The following LYPLAL1 variants were observed in gnomAD, a reference collection of about 807,000 sequenced individuals.
LYPLAL1 encodes lysophospholipase-like protein 1.
LYPLAL1 carries 23 observed loss-of-function variants against 19.7 expected under a neutral mutation model. The observed-to-expected ratio is 1.17, with a 90% CI of 0.84 to 1.65. The LOEUF (loss-of-function observed/expected upper bound fraction) is 1.65. LYPLAL1 is among the 40% of genes most tolerant of loss of function. LYPLAL1 has a pLI of 0.00. For missense variants in LYPLAL1, 355 were observed against 279.4 expected, an observed-to-expected ratio of 1.27 and a Z score of -1.93; for synonymous variants, 119 against 96.3, an observed-to-expected ratio of 1.24 and a Z score of -1.38.
intron 2 of LYPLAL1, among the ~76,000 whole-genome samples, chr1:219,184,696 A>T (rs540016021): frequency 6.6e-6 from 1 of 151,942 alleles, no homozygotes; most frequent in Non-Finnish European, 1.5e-5. Context: ...TGAAATAGTC[A>T]TGGTTTTTAT....
At chr1:219,192,587 GC>G (rs537121201) in intron 2 of LYPLAL1, among the ~76,000 whole-genome samples, 155 of 151,592 alleles carry the variant, frequency 1.0e-3, no homozygotes, top group African/African-American at 3.6e-3. Context: ...ATCTAATATA[GC>G]CCCCATCCCT....
At chr1:219,264,589 G>A in the LYPLAL1 span, among the ~76,000 whole-genome samples, 1 of 152,132 alleles carries the variant, frequency 6.6e-6, no homozygotes, top group East Asian at 1.9e-4. Context: ...ATGTGAAGAC[G>A]AATGCTTGGT....
chr1:219,305,051 C>T, the LYPLAL1 span, among the ~76,000 whole-genome samples: 2 of 152,276 alleles, frequency 1.3e-5, no homozygotes, highest in Non-Finnish European at 2.9e-5. Flanking sequence ...CTCACTGGTT[C>T]GGCATATCCC....
At chr1:219,323,890 C>T in the LYPLAL1 span, among the ~76,000 whole-genome samples, 91 of 152,264 alleles carry the variant, frequency 6.0e-4, no homozygotes, top group African/African-American at 2.0e-3. Flanking sequence ...CCCATAACCA[C>T]CCATATAGTA....
At chr1:219,355,701 A>G in the LYPLAL1 span, among the ~76,000 whole-genome samples, 57 of 152,346 alleles carry the variant, frequency 3.7e-4, no homozygotes, top group African/African-American at 1.3e-3. Context: ...AAATTCACCA[A>G]GATAGACCAT....
chr1:219,336,348 T>G, the LYPLAL1 span, among the ~76,000 whole-genome samples: 1 of 151,838 alleles, frequency 6.6e-6, no homozygotes, highest in Non-Finnish European at 1.5e-5. Flanking sequence ...GGGAAATAAT[T>G]TAATCTCCCA....
the LYPLAL1 span, among the ~76,000 whole-genome samples, chr1:219,243,290 CA>C: frequency 9.9e-5 from 15 of 152,038 alleles, no homozygotes; most frequent in Admixed American, 7.9e-4. Context: ...TTCACAAGTC[CA>C]AAGACAAAGA....
At chr1:219,439,976 T>TATATATATAC in the LYPLAL1 span, among the ~76,000 whole-genome samples, 175 of 59,756 alleles carry the variant, frequency 2.9e-3, 2 homozygotes, top group African/African-American at 0.013. Context: ...TATATATACA[T>TATATATATAC]ATATATATAT....
chr1:219,402,521 A>G, the LYPLAL1 span, among the ~76,000 whole-genome samples: 1 of 152,122 alleles, frequency 6.6e-6, no homozygotes, highest in Non-Finnish European at 1.5e-5. Flanking sequence ...AATAAAGTCA[A>G]TCAGTTAATT....
intron 2 of LYPLAL1, among the ~76,000 whole-genome samples, chr1:219,181,474 TAGA>T (rs779547026): frequency 3.9e-5 from 6 of 152,216 alleles, no homozygotes; most frequent in Non-Finnish European, 7.4e-5. Context: ...TAGCAAAACA[TAGA>T]AGATTTCCAA....
the LYPLAL1 span, among the ~76,000 whole-genome samples, chr1:219,397,695 T>C: frequency 1.3e-5 from 2 of 152,220 alleles, no homozygotes; most frequent in African/African-American, 4.8e-5. Flanking sequence ...CTGGTAACAA[T>C]CTTTCCTTTC....
the LYPLAL1 span, among the ~76,000 whole-genome samples, chr1:219,346,717 A>C: frequency 1.3e-5 from 2 of 152,166 alleles, no homozygotes; most frequent in Non-Finnish European, 2.9e-5. Context: ...TCATATTTAC[A>C]CATATAGGCT....
the LYPLAL1 span, among the ~76,000 whole-genome samples, chr1:219,332,339 A>T: frequency 2.0e-5 from 3 of 152,116 alleles, no homozygotes; most frequent in African/African-American, 4.8e-5. Flanking sequence ...GTTTGTTCAA[A>T]CCATCCCAGG....
chr1:219,174,233 C>T, intron 1 of LYPLAL1: 3 of 1,383,138 alleles, frequency 2.2e-6, no homozygotes, highest in Non-Finnish European at 2.8e-6. Flanking sequence ...TCCCGCCGCT[C>T]AGCCAGCCCT....
At chr1:219,409,762 G>A in the LYPLAL1 span, 2 of 152,228 alleles carry the variant, frequency 1.3e-5, no homozygotes, top group Non-Finnish European at 2.9e-5. Flanking sequence ...AGAGGATTGT[G>A]GGGGCTGAAC....
the LYPLAL1 span, among the ~76,000 whole-genome samples, chr1:219,337,239 A>G: frequency 6.6e-6 from 1 of 152,024 alleles, no homozygotes; most frequent in Non-Finnish European, 1.5e-5. Context: ...CCTTTTACAT[A>G]CAAGATAACT....
At chr1:219,198,694 T>G (rs185137700) in intron 3 of LYPLAL1, 1 of 152,182 alleles carries the variant, frequency 6.6e-6, no homozygotes, top group Non-Finnish European at 1.5e-5. Flanking sequence ...CTTTTCATTC[T>G]GATGTATAAG....
chr1:219,239,299 T>G, the LYPLAL1 span, among the ~76,000 whole-genome samples: 1 of 152,246 alleles, frequency 6.6e-6, no homozygotes, highest in South Asian at 2.1e-4. Context: ...TGTGCTGCCT[T>G]GGCAACCTGC....
the LYPLAL1 span, among the ~76,000 whole-genome samples, chr1:219,298,613 A>G: frequency 3.2e-4 from 48 of 152,350 alleles, 1 homozygote; most frequent in South Asian, 9.5e-3. Flanking sequence ...ATTAGGGAAC[A>G]TCATTTTGAG....
Sources: gnomAD v4.1 joint callset for allele counts (sites outside exome capture counted in the v4.1 genomes callset) on GRCh38, gnomAD v4.1.1 for gene constraint, MANE v1.5 for transcripts, NCBI Gene and HGNC (gene_info 2026-07-23, HGNC 2026-07-21) for gene names.